GIMAP1: variants seen among roughly 807,000 people sequenced by gnomAD.
GIMAP1 encodes the protein GTPase IMAP family member 1.
For synonymous variants in GIMAP1, 230 were observed against 187.7 expected, an observed-to-expected ratio of 1.23 and a Z score of -1.84; for missense variants, 423 against 411.9, an observed-to-expected ratio of 1.03 and a Z score of -0.23.
chr7:150,720,794 C>T lies in GIMAP1; in HGVS notation c.790C>T (p.Leu264=). The part of the protein sequence containing the change: ...RPWGAWLSAR[L]WKWLKSPRSW... ...ATGGGGCGCCTGGCTGTCGGCCCGG[C>T]TGTGGAAGTGGCTGAAGTCCCCCAG... The change falls in exon 3 of 3, where the codon CTG becomes TTG. Residue 264 remains leucine (L), a synonymous_variant. Transcript: ENST00000307194. This position sits in a 1 kb window ranked among gnomAD's most constrained non-coding sequence, Gnocchi z 4.5. 6.3e-7 allele frequency: 1 copy of T among 1,588,302 alleles called. No individual in the cohort carries two copies. The highest frequency in any genetic ancestry group is 8.6e-7 in the Non-Finnish European group (1 of 1,168,490).
intron 1 of GIMAP1, 145 bp downstream of exon 1, chr7:150,716,835 C>T (rs1797223978): frequency 6.6e-6 from 1 of 152,094 alleles, no homozygotes; most frequent in African/African-American, 2.4e-5. Context: ...CAAGGACATA[C>T]TTCCAGGTTT....
chr7:150,719,412 A>G, intron 2 of GIMAP1: 1 of 309,798 alleles, frequency 3.2e-6, no homozygotes, highest in East Asian at 5.5e-5. Flanking sequence ...TGTTTAGAGA[A>G]CAAGGATAGA....
chr7:150,720,730 G>A lies in GIMAP1; in HGVS notation c.726G>A (p.Arg242=), dbSNP rs1797288476. The change falls in exon 3 of 3, where the codon CGG becomes CGA. Residue 242 remains arginine (R), a synonymous_variant. Coordinates refer to ENST00000307194, the MANE Select transcript of GIMAP1 (RefSeq NM_130759.4). This position sits in a 1 kb window ranked among gnomAD's most constrained non-coding sequence, Gnocchi z 4.5. ...CAGGCCCTGAGGAGCGGCTCCGGCGGGTGGCGGAGCGCGTGGCAGCCAGGG... is the reference window on the plus strand; with the variant it reads ...CAGGCCCTGAGGAGCGGCTCCGGCGAGTGGCGGAGCGCGTGGCAGCCAGGG... ...RWAGPEERLR[R]VAERVAARVQ... 6.4e-7 allele frequency: 1 copy of A among 1,569,474 alleles called. No individual in the cohort carries two copies. The highest frequency in any genetic ancestry group is 8.6e-7 in the Non-Finnish European group (1 of 1,157,510).
In GIMAP1 at chr7:150,722,001, A is replaced by G. The variant is rs1220762422; in HGVS notation, c.*1076A>G. 1 of 152,170 alleles carries G rather than the reference A, an allele frequency of 6.6e-6. No individual in the cohort carries two copies. The highest frequency in any genetic ancestry group is 1.5e-5 in the Non-Finnish European group (1 of 68,052). 9.4% of individuals were successfully genotyped at this position (152,170 alleles called of 1,614,324 possible). A position where few individuals can be genotyped will look rare whatever the true frequency, so the allele number is the denominator to read the frequency against. On this transcript the variant is annotated 3_prime_UTR_variant, in exon 3 of 3. Coordinates refer to ENST00000307194, the MANE Select transcript of GIMAP1 (RefSeq NM_130759.4). ...AGGCTGAGACTGCAGACACCTGAGC[A>G]TCCTATGCTGTGAGGCGAAAGCATC... is the stretch of plus-strand genomic sequence containing the variant.
Position 150,720,945 on chromosome 7 carries a change from G to C in GIMAP1, c.*20G>C. 1 of 1,498,360 alleles carries C rather than the reference G, an allele frequency of 6.7e-7. No individual in the cohort carries two copies. Among genetic ancestry groups the C allele is most frequent in the Non-Finnish European group, 8.8e-7 (1 of 1,131,988 alleles). The allele number at this position is 1,498,360 out of a possible 1,614,324, so 92.8% of individuals were successfully genotyped here. ...GACTGACAGCGCAGGTCCTAAAACT[G>C]AAGGCAACTTGGTTAAGGGAGGCTG... On this transcript the variant is annotated 3_prime_UTR_variant, in exon 3 of 3. Coordinates refer to ENST00000307194, the MANE Select transcript of GIMAP1 (RefSeq NM_130759.4). The surrounding 1 kb of genome is among the most constrained non-coding windows in gnomAD (Gnocchi z 4.5).
chr7:150,720,926 C>A lies in GIMAP1; in HGVS notation c.*1C>A. On this transcript the variant is annotated 3_prime_UTR_variant, in exon 3 of 3. Transcript: ENST00000307194. The surrounding 1 kb of genome is among the most constrained non-coding windows in gnomAD (Gnocchi z 4.5). ...CGTTGCGGAGGTCGGGCCTGACTGA[C>A]AGCGCAGGTCCTAAAACTGAAGGCA... 1 of 1,536,990 alleles carries A rather than the reference C, an allele frequency of 6.5e-7. No individual in the cohort carries two copies.
Position 150,722,027 on chromosome 7 carries a change from C to A in GIMAP1, c.*1102C>A, listed in dbSNP as rs1359435119. 6.6e-6 allele frequency: 1 copy of A among 152,078 alleles called. No homozygotes were observed. Among genetic ancestry groups the A allele is most frequent in the Non-Finnish European group, 1.5e-5 (1 of 68,022 alleles). The allele number at this position is 152,078 out of a possible 1,614,324, so 9.4% of individuals were successfully genotyped here. A position where few individuals can be genotyped will look rare whatever the true frequency, so the allele number is the denominator to read the frequency against. ...TCCTATGCTGTGAGGCGAAAGCATC[C>A]GGTTTTTTCGGGATGGGCCTGTCCA... On this transcript the variant is annotated 3_prime_UTR_variant, in exon 3 of 3. Transcript: ENST00000307194.
At chr7:150,719,345 A>G in intron 2 of GIMAP1, 1 of 514,126 alleles carries the variant, frequency 1.9e-6, no homozygotes. Context: ...TCACCGCAGA[A>G]GAAGTGCAGA....
Position 150,720,670 on chromosome 7 carries a change from C to G in GIMAP1, c.666C>G (p.Asn222Lys). 1.2e-6 allele frequency: 2 copies of G among 1,603,996 alleles called. No individual in the cohort carries two copies. The highest frequency in any genetic ancestry group is 1.7e-6 in the Non-Finnish European group (2 of 1,175,148). The change falls in exon 3 of 3, where the codon AAC becomes AAG. Residue 222 changes from asparagine to lysine, a missense_variant. By Grantham distance (94) the Asn-to-Lys change is moderately conservative. Transcript: ENST00000307194. This position sits in a 1 kb window ranked among gnomAD's most constrained non-coding sequence, Gnocchi z 4.5. ...VLEHKGAHYS[N>K]EVYELAQVLR... is the part of the protein sequence containing the mutation. The stretch of plus-strand genomic sequence containing the variant: ...AGCACAAGGGCGCCCATTACTCCAA[C>G]GAGGTGTATGAGCTGGCGCAGGTGC...
In GIMAP1 at chr7:150,720,786, C is replaced by G. The variant is rs750845429; in HGVS notation, c.782C>G (p.Ser261Trp). The change falls in exon 3 of 3, where the codon TCG becomes TGG. Residue 261 changes from serine to tryptophan, a missense_variant. Physicochemically the swap from Ser to Trp is radical, Grantham distance 177. Transcript: ENST00000307194. The surrounding 1 kb of genome is among the most constrained non-coding windows in gnomAD (Gnocchi z 4.5). ...VQRRPWGAWL[S>W]ARLWKWLKSP... is the part of the protein sequence containing the mutation. ...AGGAGGCCATGGGGCGCCTGGCTGTCGGCCCGGCTGTGGAAGTGGCTGAAG... is the reference window on the plus strand; with the variant it reads ...AGGAGGCCATGGGGCGCCTGGCTGTGGGCCCGGCTGTGGAAGTGGCTGAAG... The G allele has an allele frequency of 1.3e-6, 2 of 1,579,982 alleles. No homozygotes were observed. The highest frequency in any genetic ancestry group is 1.8e-5 in the Admixed American group (1 of 54,668).
Position 150,720,473 on chromosome 7 carries a change from C to A in GIMAP1, c.469C>A (p.Leu157Met), listed in dbSNP as rs762835376. The A allele has an allele frequency of 1.3e-6, 2 of 1,572,042 alleles. No individual in the cohort carries two copies. Among genetic ancestry groups the A allele is most frequent in the South Asian group, 2.4e-5 (2 of 83,516 alleles). Reference sequence around the variant, plus strand: ...CATCGTCTTCACCAGGAAGGAGGACCTGGCCGGGGGCTCCCTGCACGATTA... The same window carrying A: ...CATCGTCTTCACCAGGAAGGAGGACATGGCCGGGGGCTCCCTGCACGATTA... ...MVIVFTRKED[L>M]AGGSLHDYVS... The change falls in exon 3 of 3, where the codon CTG (leucine) becomes ATG (methionine). Residue 157 changes from leucine (L) to methionine (M), a missense_variant. Leu to Met is a conservative substitution (Grantham distance 15). Coordinates refer to ENST00000307194, the MANE Select transcript of GIMAP1 (RefSeq NM_130759.4). The surrounding 1 kb of genome is among the most constrained non-coding windows in gnomAD (Gnocchi z 4.5).
At chr7:150,718,177 G>T (rs886382144) in intron 1 of GIMAP1, among the ~76,000 whole-genome samples, 2 of 152,198 alleles carry the variant, frequency 1.3e-5, no homozygotes, top group African/African-American at 4.8e-5. Context: ...AGACATAGAT[G>T]CAGGGAGAAG....
At position 150,723,902 on chromosome 7, in the gene GIMAP1, C is replaced by G. The variant is rs530677191; in HGVS notation, c.*2977C>G. ...TGTTCATATTTCTATGCCCTGGTAC[C>G]TGGATCAGCTTTTGTTCTACACAAA... On this transcript the variant is annotated 3_prime_UTR_variant, in exon 3 of 3. Transcript: ENST00000307194. 5 of 152,070 alleles carry G rather than the reference C, an allele frequency of 3.3e-5. No individual in the cohort carries two copies. Among genetic ancestry groups the G allele is most frequent in the Admixed American group, 6.5e-5 (1 of 15,272 alleles). 9.4% of individuals were successfully genotyped at this position (152,070 alleles called of 1,614,324 possible).
Position 150,720,057 on chromosome 7 carries a change from A to G in GIMAP1, c.53A>G (p.Glu18Gly), listed in dbSNP as rs149617630. The G allele has an allele frequency of 2.0e-4, 320 of 1,594,862 alleles. 2 individuals carry two copies. The East Asian group carries it at 7.1e-3, about 36-fold the overall frequency. ...ACACTTGGTCTCACAGGTTTAGAAGAGAACGCTCAGTCCCGGCAGGAGTCC... is the reference window on the plus strand; with the variant it reads ...ACACTTGGTCTCACAGGTTTAGAAGGGAACGCTCAGTCCCGGCAGGAGTCC... ...TDEENVYGLE[E>G]NAQSRQESTR... The change falls in exon 3 of 3, where the codon GAG becomes GGG. Residue 18 changes from glutamate (E) to glycine (G), a missense_variant. Transcript: ENST00000307194. The surrounding 1 kb of genome is among the most constrained non-coding windows in gnomAD (Gnocchi z 4.5).
rs928860797 is a variant in GIMAP1, at chr7:150,723,457, T to C, written c.*2532T>C. 2.6e-5 allele frequency: 4 copies of C among 152,200 alleles called. No homozygotes were observed. The highest frequency in any genetic ancestry group is 4.8e-5 in the African/African-American group (2 of 41,448). 9.4% of individuals were successfully genotyped at this position (152,200 alleles called of 1,614,324 possible). A position where few individuals can be genotyped will look rare whatever the true frequency, so the allele number is the denominator to read the frequency against. ...TTCTCCTGCCCTAAGGAAATTTACTTCCCTTCAAGCACAGGGTCCCCCAAA... is the reference window on the plus strand; with the variant it reads ...TTCTCCTGCCCTAAGGAAATTTACTCCCCTTCAAGCACAGGGTCCCCCAAA... On this transcript the variant is annotated 3_prime_UTR_variant, in exon 3 of 3. Transcript: ENST00000307194.
intron 1 of GIMAP1, among the ~76,000 whole-genome samples, chr7:150,717,450 A>G (rs1293410709): frequency 6.6e-6 from 1 of 152,224 alleles, no homozygotes; most frequent in Non-Finnish European, 1.5e-5. Context: ...GAAGAACTCA[A>G]TAAACTTTGC....
rs1797322900 is a variant in GIMAP1, at chr7:150,722,550, T to C, written c.*1625T>C. On this transcript the variant is annotated 3_prime_UTR_variant, in exon 3 of 3. Transcript: ENST00000307194. ...GGCCTCGAGCCAGGGAAGGATCCTTTGATGACCAGAGGGGACAGCAGGGAG... is the reference window on the plus strand; with the variant it reads ...GGCCTCGAGCCAGGGAAGGATCCTTCGATGACCAGAGGGGACAGCAGGGAG... The C allele has an allele frequency of 6.6e-6, 1 of 152,322 alleles. No individual in the cohort carries two copies. Among genetic ancestry groups the C allele is most frequent in the Non-Finnish European group, 1.5e-5 (1 of 68,098 alleles). The allele number at this position is 152,322 out of a possible 1,614,324, so 9.4% of individuals were successfully genotyped here.
rs1424604752 is a variant in GIMAP1 at position 150,716,675 on chromosome 7, C to G, written c.-22C>G. The G allele has an allele frequency of 6.6e-6, 1 of 152,210 alleles. No homozygotes were observed. The highest frequency in any genetic ancestry group is 2.4e-5 in the African/African-American group (1 of 41,402). 9.4% of individuals were successfully genotyped at this position (152,210 alleles called of 1,614,324 possible). On this transcript the variant is annotated 5_prime_UTR_variant, in exon 1 of 3. Coordinates refer to ENST00000307194, the MANE Select transcript of GIMAP1 (RefSeq NM_130759.4). Reference sequence around the variant, plus strand: ...GGGCTTCTTGTGGCCAACTTCAGAGCCTGTCACCAGGAAAGGTGAGCCTGA... The same window carrying G: ...GGGCTTCTTGTGGCCAACTTCAGAGGCTGTCACCAGGAAAGGTGAGCCTGA...
In GIMAP1 at chr7:150,720,391, G is replaced by A; in HGVS notation, c.387G>A (p.Gln129=). 6.3e-7 allele frequency: 1 copy of A among 1,595,024 alleles called. No homozygotes were observed. The highest frequency in any genetic ancestry group is 8.6e-7 in the Non-Finnish European group (1 of 1,168,232). ...TGGGTCGGTTCACCGCCCAGGACCA[G>A]CAGGCGGTGAGGCAGGTGAGGGACA... ...TQLGRFTAQD[Q]QAVRQVRDMF... Residue 129 remains glutamine, a synonymous_variant, in exon 3 of 3, where the codon CAG becomes CAA. Coordinates refer to ENST00000307194, the MANE Select transcript of GIMAP1 (RefSeq NM_130759.4). The surrounding 1 kb of genome is among the most constrained non-coding windows in gnomAD (Gnocchi z 4.5).
Sources: allele counts gnomAD v4.1 joint callset (sites outside exome capture counted in the v4.1 genomes callset), GRCh38; gene constraint gnomAD v4.1.1; non-coding constraint Gnocchi (gnomAD v3.1); transcripts MANE v1.5; gene names NCBI Gene and HGNC (gene_info 2026-07-23, HGNC 2026-07-21).